TTLL5: variants seen among roughly 807,000 people sequenced by gnomAD.
TTLL5 encodes tubulin polyglutamylase TTLL5.
Under a neutral mutation model 168.4 loss-of-function variants are expected in TTLL5, and 132 were observed. The ratio of observed to expected loss-of-function variants is 0.78; its 90% CI spans 0.68 to 0.91. TTLL5 has a LOEUF of 0.91. TTLL5 is among the 40% of genes least tolerant of loss of function. The pLI, the probability that TTLL5 is intolerant of heterozygous loss-of-function variation, is 0.00. For missense variants in TTLL5, 1,545 were observed against 1,581.5 expected, an observed-to-expected ratio of 0.98 and a Z score of 0.39; for synonymous variants, 546 against 558.6, an observed-to-expected ratio of 0.98 and a Z score of 0.32.
intron 28 of TTLL5, among the ~76,000 whole-genome samples, chr14:75,846,099 G>A (rs1319119524): frequency 6.6e-6 from 1 of 152,098 alleles, no homozygotes; most frequent in African/African-American, 2.4e-5. Context: ...TTTGAGTGTG[G>A]GCAGAAAACA....
intron 15 of TTLL5, among the ~76,000 whole-genome samples, chr14:75,741,536 T>C (rs912023503): frequency 2.6e-5 from 4 of 152,154 alleles, no homozygotes; most frequent in African/African-American, 7.2e-5. Context: ...CTTTTTTTTT[T>C]TTTTTAACTT....
intron 31 of TTLL5, among the ~76,000 whole-genome samples, chr14:75,914,300 G>C (rs183708040): frequency 3.1e-3 from 472 of 151,586 alleles, no homozygotes; most frequent in Non-Finnish European, 4.4e-3. Context: ...AATTATATCT[G>C]TATGTTTCTT....
intron 3 of TTLL5, among the ~76,000 whole-genome samples, chr14:75,673,200 C>T (rs1476059149): frequency 6.6e-6 from 1 of 152,190 alleles, no homozygotes; most frequent in Non-Finnish European, 1.5e-5. Context: ...CCTCCCAGCT[C>T]AGTCTCCTAA....
intron 18 of TTLL5, 56 bp downstream of exon 18, chr14:75,753,011 A>G: frequency 6.5e-7 from 1 of 1,529,304 alleles, no homozygotes; most frequent in Non-Finnish European, 9.0e-7. Flanking sequence ...AACAGAAAGT[A>G]CATGTCAAAG....
chr14:75,787,142 A>G (rs1222848761), intron 26 of TTLL5, among the ~76,000 whole-genome samples: 1 of 152,204 alleles, frequency 6.6e-6, no homozygotes, highest in Non-Finnish European at 1.5e-5. Flanking sequence ...AAACAACAAA[A>G]CAAAACAAAA....
At chr14:75,720,560 A>C (rs749899608) in intron 11 of TTLL5, 36 bp from the exon 12 acceptor site, 1 of 1,386,064 alleles carries the variant, frequency 7.2e-7, no homozygotes, top group East Asian at 2.3e-5. Flanking sequence ...ATGTATTTTG[A>C]TATTGAGTCT....
chr14:75,780,126 T>G (rs1891959718), intron 24 of TTLL5, among the ~76,000 whole-genome samples: 1 of 152,238 alleles, frequency 6.6e-6, no homozygotes, highest in South Asian at 2.1e-4. Flanking sequence ...ACAAGGAATT[T>G]GATACATAGC....
chr14:75,773,933 GAGAGAGAGAGAGAGAGAGAGAGAA>G (rs1340758109), intron 21 of TTLL5, among the ~76,000 whole-genome samples: 4 of 26,446 alleles, frequency 1.5e-4, no homozygotes, highest in Non-Finnish European at 3.4e-4. Flanking sequence ...TATATAGAGA[GAGAGAGAGAGAGAGAGAGAGAGAA>G]AGAGAGAGAG....
rs1389226391 is a variant in TTLL5, at chr14:75,686,070, T to G, written c.371+2414T>G. Reference sequence around the variant, plus strand: ...GTAGATAAGAAAGAAATGTTTGTGGTACCTAGATTTGCCAAAGCAGTTTCT... The same window carrying G: ...GTAGATAAGAAAGAAATGTTTGTGGGACCTAGATTTGCCAAAGCAGTTTCT... On this transcript the variant is annotated intron_variant, in intron 5 of 31. Coordinates refer to ENST00000298832, the MANE Select transcript of TTLL5 (RefSeq NM_015072.5). 2.0e-5 allele frequency among the ~76,000 whole-genome samples: 3 copies of G among 152,218 alleles called. No individual in the cohort carries two copies. The East Asian group carries it at 5.8e-4, about 29-fold the overall frequency.
intron 31 of TTLL5, among the ~76,000 whole-genome samples, chr14:75,947,402 AG>A (rs1020605014): frequency 1.3e-5 from 2 of 152,212 alleles, no homozygotes; most frequent in African/African-American, 4.8e-5. Context: ...AGAAATAAAG[AG>A]GGTCACTACA....
intron 26 of TTLL5, among the ~76,000 whole-genome samples, chr14:75,790,913 G>A (rs192475771): frequency 0.012 from 1,796 of 147,944 alleles, 14 homozygotes; most frequent in South Asian, 0.024. Flanking sequence ...TGGCTAACAC[G>A]GTGAAACCCC....
chr14:75,783,643 C>T (rs1892187209), intron 26 of TTLL5, 113 bp downstream of exon 26: 1 of 1,384,672 alleles, frequency 7.2e-7, no homozygotes, highest in East Asian at 2.3e-5. Flanking sequence ...TGGAAATGGA[C>T]ACACACTGCA....
chr14:75,665,329 A>G (rs1883177277), intron 2 of TTLL5, among the ~76,000 whole-genome samples: 1 of 152,212 alleles, frequency 6.6e-6, no homozygotes, highest in Non-Finnish European at 1.5e-5. Context: ...AGATCAGTAC[A>G]CTGGGAGGGT....
At chr14:75,696,610 T>C (rs906221070) in intron 6 of TTLL5, among the ~76,000 whole-genome samples, 23 of 152,252 alleles carry the variant, frequency 1.5e-4, no homozygotes, top group African/African-American at 2.4e-4. Flanking sequence ...GCAGGACTTA[T>C]AAATTATATT....
At chr14:75,707,340 A>G (rs891764287) in intron 8 of TTLL5, among the ~76,000 whole-genome samples, 2 of 152,174 alleles carry the variant, frequency 1.3e-5, no homozygotes, top group Admixed American at 1.3e-4. Context: ...ATTAATATAT[A>G]TGAAAATGAC....
chr14:75,855,174 GA>G (rs772485579), intron 28 of TTLL5, among the ~76,000 whole-genome samples: 16 of 139,208 alleles, frequency 1.1e-4, no homozygotes, highest in South Asian at 4.6e-4. Flanking sequence ...AAAGAAATAA[GA>G]AAAAAAAAAT....
At chr14:75,769,418 T>A (rs1891150231) in intron 20 of TTLL5, among the ~76,000 whole-genome samples, 1 of 152,224 alleles carries the variant, frequency 6.6e-6, no homozygotes. Flanking sequence ...TTCTTTCTGG[T>A]TTTTATTCTT....
intron 27 of TTLL5, among the ~76,000 whole-genome samples, chr14:75,795,292 A>G (rs1461704727): frequency 1.3e-5 from 2 of 152,256 alleles, no homozygotes; most frequent in Admixed American, 1.3e-4. Flanking sequence ...TTGTTATTTC[A>G]GCCATAAAAG....
At chr14:75,675,669 G>C (rs563012452) in intron 3 of TTLL5, among the ~76,000 whole-genome samples, 3 of 152,266 alleles carry the variant, frequency 2.0e-5, no homozygotes, top group East Asian at 3.9e-4. Flanking sequence ...TTCTTTCTTA[G>C]GCAGTTGGGC....
Sources: allele counts gnomAD v4.1 joint callset (sites outside exome capture counted in the v4.1 genomes callset), GRCh38; gene constraint gnomAD v4.1.1; transcripts MANE v1.5; gene names NCBI Gene and HGNC (gene_info 2026-07-23, HGNC 2026-07-21).